The following ZNF804A variants were observed in gnomAD, a reference collection of about 807,000 sequenced individuals.
ZNF804A encodes zinc finger protein 804A.
Under a neutral mutation model 16.5 loss-of-function variants are expected in ZNF804A, and 2 were observed. The ratio of observed to expected loss-of-function variants is 0.12; its 90% CI spans 0.05 to 0.38. The LOEUF (loss-of-function observed/expected upper bound fraction) is 0.38, where lower values mean the gene tolerates loss of function less well. ZNF804A is among the 10% of genes least tolerant of loss of function. The pLI is 0.99. For missense variants in ZNF804A, 1,473 were observed against 1,390.7 expected, an observed-to-expected ratio of 1.06 and a Z score of -0.94; for synonymous variants, 534 against 489.6, an observed-to-expected ratio of 1.09 and a Z score of -1.20.
chr2:184,787,052 C>T (rs1667870412), intron 1 of ZNF804A, among the ~76,000 whole-genome samples: 1 of 151,760 alleles, frequency 6.6e-6, no homozygotes, highest in South Asian at 2.1e-4. Context: ...TTCTAGTATA[C>T]CCTTCACCCA....
intron 1 of ZNF804A, among the ~76,000 whole-genome samples, chr2:184,734,745 A>T (rs915796934): frequency 2.0e-5 from 3 of 152,210 alleles, no homozygotes; most frequent in Non-Finnish European, 4.4e-5. Flanking sequence ...CATTCTGTCC[A>T]TATCTGGCAA....
chr2:184,720,466 G>A (rs1693293837), intron 1 of ZNF804A, among the ~76,000 whole-genome samples: 1 of 151,918 alleles, frequency 6.6e-6, no homozygotes. Flanking sequence ...CACCAATAAT[G>A]AACTAGCTAA....
chr2:184,768,596 A>G (rs916459043), intron 1 of ZNF804A, among the ~76,000 whole-genome samples: 4 of 152,008 alleles, frequency 2.6e-5, no homozygotes, highest in Middle Eastern at 3.2e-3. Flanking sequence ...GTGGGGTCTG[A>G]AATACAGTAT....
In ZNF804A at chr2:184,937,406, T is replaced by C. The variant is rs756864855; in HGVS notation, c.2010T>C (p.Asn670=). Residue 670 remains asparagine, a synonymous_variant, in exon 4 of 4, where the codon AAT becomes AAC. Coordinates refer to ENST00000302277, the MANE Select transcript of ZNF804A (RefSeq NM_194250.2). ...CAGAATCCATATCCTTAAGTGACAA[T>C]GAAGAAATGTGTAAAACATGGAATA... ...PKSESISLSD[N]EEMCKTWNTE... The C allele has an allele frequency of 1.9e-6, 3 of 1,612,728 alleles. No individual in the cohort carries two copies. The highest frequency in any genetic ancestry group is 2.2e-5 in the South Asian group (2 of 90,994).
At chr2:184,913,910 T>C (rs1309711850) in intron 2 of ZNF804A, among the ~76,000 whole-genome samples, 1 of 152,178 alleles carries the variant, frequency 6.6e-6, no homozygotes, top group Non-Finnish European at 1.5e-5. Context: ...TCACCAAGGC[T>C]TGTTTCTTGG....
intron 2 of ZNF804A, chr2:184,902,341 T>A (rs1685200817): frequency 6.4e-6 from 1 of 155,156 alleles, no homozygotes; most frequent in Admixed American, 6.5e-5. Flanking sequence ...AGGGGGAACT[T>A]GATGATGGCA....
intron 2 of ZNF804A, among the ~76,000 whole-genome samples, chr2:184,919,425 C>A (rs934384024): frequency 6.6e-6 from 1 of 152,088 alleles, no homozygotes; most frequent in Non-Finnish European, 1.5e-5. Context: ...CATGTATGAC[C>A]CCTGTTCCTG....
chr2:184,795,945 G>T (rs58159162), intron 1 of ZNF804A, among the ~76,000 whole-genome samples: 1 of 148,928 alleles, frequency 6.7e-6, no homozygotes, highest in Non-Finnish European at 1.5e-5. Flanking sequence ...TTACCATGTC[G>T]AATGCTTTTT....
At chr2:184,676,327 T>C (rs1342181280) in intron 1 of ZNF804A, among the ~76,000 whole-genome samples, 1 of 151,396 alleles carries the variant, frequency 6.6e-6, no homozygotes, top group Non-Finnish European at 1.5e-5. Flanking sequence ...AAGTCAAACA[T>C]TAGAAATATG....
chr2:184,777,161 T>G (rs961529293), intron 1 of ZNF804A, among the ~76,000 whole-genome samples: 1 of 151,546 alleles, frequency 6.6e-6, no homozygotes, highest in Non-Finnish European at 1.5e-5. Context: ...AAAAGACACC[T>G]TACAGATCTT....
chr2:184,598,789 G>T lies in ZNF804A; in HGVS notation c.-171G>T. 2.6e-6 allele frequency: 1 copy of T among 388,786 alleles called. No individual in the cohort carries two copies. The highest frequency in any genetic ancestry group is 4.5e-6 in the Non-Finnish European group (1 of 222,226). The allele number at this position is 388,786 out of a possible 1,614,324, so 24.1% of individuals were successfully genotyped here. On this transcript the variant is annotated 5_prime_UTR_variant, in exon 1 of 4. Coordinates refer to ENST00000302277, the MANE Select transcript of ZNF804A (RefSeq NM_194250.2). ...AGCATGCGGAGGCGGGGGAGCCTCG[G>T]CGCTCACCACAGAGGGGTGCAGTGA...
intron 1 of ZNF804A, among the ~76,000 whole-genome samples, chr2:184,718,373 A>G (rs1468022936): frequency 2.0e-5 from 3 of 152,094 alleles, no homozygotes; most frequent in African/African-American, 7.2e-5. Context: ...TCCAAATCTC[A>G]TGTCCTCACA....
intron 1 of ZNF804A, among the ~76,000 whole-genome samples, chr2:184,865,851 T>TA (rs200192443): frequency 1.7e-4 from 26 of 151,566 alleles, no homozygotes; most frequent in East Asian, 1.4e-3. Context: ...TGGGTCAGGA[T>TA]AAAAAAAAAT....
Position 184,889,689 on chromosome 2 carries a change from G to T in ZNF804A, c.255+23177G>T, listed in dbSNP as rs114376335. On this transcript the variant is annotated intron_variant, in intron 2 of 3. Coordinates refer to ENST00000302277, the MANE Select transcript of ZNF804A (RefSeq NM_194250.2). Reference sequence around the variant, plus strand: ...GCTGCCCACACACATACACACATTTGTGTGTATGTGTTTTGATAGGAAAAT... The same window carrying T: ...GCTGCCCACACACATACACACATTTTTGTGTATGTGTTTTGATAGGAAAAT... Among the ~76,000 whole-genome samples the T allele has an allele frequency of 9.1e-3, 1,382 of 151,718 alleles. 23 individuals carry two copies. The highest frequency in any genetic ancestry group is 0.032 in the African/African-American group (1,321 of 41,452).
At chr2:184,737,716 C>T (rs904210370) in intron 1 of ZNF804A, among the ~76,000 whole-genome samples, 4 of 152,028 alleles carry the variant, frequency 2.6e-5, no homozygotes, top group East Asian at 1.9e-4. Context: ...TAGTAATATA[C>T]ATTTCTGTAG....
At chr2:184,674,779 T>A (rs942171005) in intron 1 of ZNF804A, among the ~76,000 whole-genome samples, 9 of 75,432 alleles carry the variant, frequency 1.2e-4, no homozygotes, top group Non-Finnish European at 1.7e-4. Context: ...AAAATTATTT[T>A]AAAATTTTCC....
chr2:184,828,760 A>G (rs369302113), intron 1 of ZNF804A, among the ~76,000 whole-genome samples: 1 of 151,830 alleles, frequency 6.6e-6, no homozygotes, highest in Non-Finnish European at 1.5e-5. Flanking sequence ...TACTTTTTAC[A>G]TATTTAGAGC....
intron 1 of ZNF804A, among the ~76,000 whole-genome samples, chr2:184,682,165 G>A (rs1243189888): frequency 1.3e-5 from 2 of 152,134 alleles, no homozygotes; most frequent in African/African-American, 2.4e-5. Context: ...TTGATGGCAG[G>A]AGGCAGACAC....
chr2:184,749,127 T>C (rs1273720333), intron 1 of ZNF804A, among the ~76,000 whole-genome samples: 1 of 150,936 alleles, frequency 6.6e-6, no homozygotes, highest in African/African-American at 2.4e-5. Context: ...TGTGAGGAAT[T>C]ATATGGGTAG....
Sources: gnomAD v4.1 joint callset for allele counts (sites outside exome capture counted in the v4.1 genomes callset) on GRCh38, gnomAD v4.1.1 for gene constraint, MANE v1.5 for transcripts, NCBI Gene and HGNC (gene_info 2026-07-23, HGNC 2026-07-21) for gene names.